The following ULK4 variants were observed in gnomAD, a reference collection of about 807,000 sequenced individuals.
The protein encoded by ULK4 is unc-51 like kinase 4.
ULK4 carries 133 observed loss-of-function variants against 160.6 expected under a neutral mutation model. That is an observed-to-expected ratio of 0.83 (90% CI 0.72 to 0.96). The LOEUF (loss-of-function observed/expected upper bound fraction) is 0.96. ULK4 is among the 40% of genes least tolerant of loss of function. The probability of loss-of-function intolerance (pLI) is 0.00; values close to 1 mark genes in which losing one functional copy is unlikely to be tolerated. For missense variants in ULK4, 1,580 were observed against 1,499.5 expected (o/e 1.05, Z -0.89); for synonymous variants, 534 against 539.8 (o/e 0.99, Z 0.15).
intron 22 of ULK4, among the ~76,000 whole-genome samples, chr3:41,738,434 C>T (rs1020507867): frequency 3.3e-5 from 5 of 151,930 alleles, no homozygotes; most frequent in African/African-American, 1.2e-4. Flanking sequence ...CAAAGCCATG[C>T]TAACTCTGCT....
chr3:41,397,253 C>T (rs1241229644), intron 35 of ULK4, among the ~76,000 whole-genome samples: 3 of 152,096 alleles, frequency 2.0e-5, no homozygotes, highest in Non-Finnish European at 4.4e-5. Context: ...AAATAGACGT[C>T]AGCTATATAT....
chr3:41,442,892 C>T (rs1386750466), intron 34 of ULK4, among the ~76,000 whole-genome samples: 1 of 152,170 alleles, frequency 6.6e-6, no homozygotes, highest in African/African-American at 2.4e-5. Context: ...TTGTAAAACA[C>T]TTATCAAGAG....
At chr3:41,949,676 G>GC (rs146178523) in intron 2 of ULK4, among the ~76,000 whole-genome samples, 3 of 149,312 alleles carry the variant, frequency 2.0e-5, no homozygotes, top group Non-Finnish European at 4.5e-5. Flanking sequence ...CAAGTGATCT[G>GC]CCCCCTCCTC....
intron 35 of ULK4, among the ~76,000 whole-genome samples, chr3:41,342,565 T>C (rs995784918): frequency 1.3e-5 from 2 of 152,294 alleles, no homozygotes; most frequent in Admixed American, 6.5e-5. Context: ...CAGGACCAGA[T>C]AGATTCACAG....
At chr3:41,821,273 G>A (rs1415303352) in intron 18 of ULK4, among the ~76,000 whole-genome samples, 1 of 152,158 alleles carries the variant, frequency 6.6e-6, no homozygotes, top group Non-Finnish European at 1.5e-5. Context: ...AGAGAAGGTG[G>A]CACCAGAGAG....
chr3:41,500,619 C>A (rs1352406542), intron 32 of ULK4, among the ~76,000 whole-genome samples: 1 of 152,100 alleles, frequency 6.6e-6, no homozygotes, highest in African/African-American at 2.4e-5. Context: ...CCCAGAAATG[C>A]TAGTGGCTAT....
At chr3:41,678,177 T>TACACACACACACAC (rs752843326) in intron 29 of ULK4, among the ~76,000 whole-genome samples, 5 of 123,134 alleles carry the variant, frequency 4.1e-5, no homozygotes, top group East Asian at 2.5e-4. Flanking sequence ...CTTTATTTCA[T>TACACACACACACAC]ACACACACAC....
intron 32 of ULK4, among the ~76,000 whole-genome samples, chr3:41,485,404 C>CA (rs2084489137): frequency 6.6e-6 from 1 of 152,104 alleles, no homozygotes; most frequent in Admixed American, 6.5e-5. Flanking sequence ...ATCTCTCCCC[C>CA]AACTACAGAA....
intron 8 of ULK4, among the ~76,000 whole-genome samples, chr3:41,914,526 T>C (rs1423408063): frequency 1.3e-5 from 2 of 152,216 alleles, no homozygotes; most frequent in African/African-American, 4.8e-5. Context: ...ACTTTTTAAA[T>C]GCTCTTAGCC....
At chr3:41,916,392 T>C (rs1424700682) in intron 7 of ULK4, among the ~76,000 whole-genome samples, 1 of 152,034 alleles carries the variant, frequency 6.6e-6, no homozygotes, top group Non-Finnish European at 1.5e-5. Flanking sequence ...TTCAACTATT[T>C]TGGGGGAGTT....
chr3:41,686,177 T>C (rs2036095125), intron 27 of ULK4, among the ~76,000 whole-genome samples: 1 of 152,052 alleles, frequency 6.6e-6, no homozygotes, highest in African/African-American at 2.4e-5. Flanking sequence ...AAAGTAACTA[T>C]TGAGATGAGC....
chr3:41,565,919 AT>A (rs774831895), intron 32 of ULK4, 105 bp downstream of exon 32: 11 of 746,264 alleles, frequency 1.5e-5, no homozygotes, highest in Admixed American at 9.8e-5. Flanking sequence ...ATTCTTATCT[AT>A]TTTGACTCAT....
At chr3:41,838,073 G>A (rs558680582) in intron 17 of ULK4, among the ~76,000 whole-genome samples, 162 of 152,164 alleles carry the variant, frequency 1.1e-3, no homozygotes, top group African/African-American at 3.8e-3. Context: ...CTACTACACT[G>A]AATCATCTGA....
intron 35 of ULK4, among the ~76,000 whole-genome samples, chr3:41,301,700 C>T (rs2079802583): frequency 6.6e-6 from 1 of 152,032 alleles, no homozygotes; most frequent in Non-Finnish European, 1.5e-5. Context: ...ACATAAAAAA[C>T]CATAAAATCA....
intron 21 of ULK4, among the ~76,000 whole-genome samples, chr3:41,763,054 C>A (rs1301766773): frequency 6.6e-6 from 1 of 152,078 alleles, no homozygotes; most frequent in African/African-American, 2.4e-5. Flanking sequence ...ATGATCCAAT[C>A]GCCTCCCACC....
intron 31 of ULK4, among the ~76,000 whole-genome samples, chr3:41,572,063 T>C (rs1575432166): frequency 6.6e-6 from 1 of 152,198 alleles, no homozygotes. Context: ...TACAAAAACA[T>C]GGAAGGGGCT....
At chr3:41,267,992 C>A (rs2079073197) in intron 35 of ULK4, among the ~76,000 whole-genome samples, 1 of 152,176 alleles carries the variant, frequency 6.6e-6, no homozygotes, top group African/African-American at 2.4e-5. Flanking sequence ...CCGACTACTT[C>A]ACATTCATAT....
chr3:41,402,791 G>A (rs1347886163), intron 34 of ULK4, among the ~76,000 whole-genome samples: 1 of 152,130 alleles, frequency 6.6e-6, no homozygotes, highest in Non-Finnish European at 1.5e-5. Flanking sequence ...AAGAGATACT[G>A]ATTGTAGTCT....
intron 35 of ULK4, among the ~76,000 whole-genome samples, chr3:41,388,774 GT>G (rs1203315164): frequency 2.6e-5 from 4 of 152,068 alleles, no homozygotes; most frequent in Admixed American, 2.6e-4. Flanking sequence ...TTTGGTTACT[GT>G]AGCCTTGTAG....
Sources: allele counts gnomAD v4.1 joint callset (sites outside exome capture counted in the v4.1 genomes callset), GRCh38; gene constraint gnomAD v4.1.1; transcripts MANE v1.5; gene names NCBI Gene and HGNC (gene_info 2026-07-23, HGNC 2026-07-21).